HTT: variants seen among roughly 807,000 people sequenced by gnomAD.
HTT encodes the protein huntingtin, also known as huntington disease protein.
A neutral mutation model predicts 362.3 loss-of-function variants in HTT; 104 were observed. The observed-to-expected ratio is 0.29, with a 90% CI of 0.24 to 0.34. The LOEUF is 0.34. Ranked by LOEUF, HTT falls within the 10% of genes least tolerant of loss-of-function variation. The pLI, the probability that HTT is intolerant of heterozygous loss-of-function variation, is 1.00. For missense variants in HTT, 3,301 were observed against 3,928.6 expected, an observed-to-expected ratio of 0.84 and a Z score of 4.27; for synonymous variants, 1,577 against 1,548.7, an observed-to-expected ratio of 1.02 and a Z score of -0.43.
intron 47 of HTT, among the ~76,000 whole-genome samples, chr4:3,211,316 C>G (rs1228397615): frequency 6.6e-6 from 1 of 152,222 alleles, no homozygotes; most frequent in East Asian, 1.9e-4. Context: ...CTTTGAACAG[C>G]TGTAAAAGTT....
In HTT at chr4:3,239,946, G is replaced by A; in HGVS notation, c.9316G>A (p.Glu3106Lys). 6.3e-7 allele frequency: 1 copy of A among 1,587,244 alleles called. No homozygotes were observed. Among genetic ancestry groups the A allele is most frequent in the East Asian group, 2.3e-5 (1 of 44,126 alleles). ...TDFYRHQIEE[E>K]LDRRAFQSVL... ...CTTCTACAGACACCAGATAGAGGAGGAGCTCGACCGCAGGGCCTTCCAGTC... is the reference window on the plus strand; with the variant it reads ...CTTCTACAGACACCAGATAGAGGAGAAGCTCGACCGCAGGGCCTTCCAGTC... The change falls in exon 67 of 67, where the codon GAG becomes AAG. Residue 3106 changes from glutamate (E) to lysine (K), a missense_variant. Around this residue, in one of 4 missense-constraint regions of HTT, gnomAD observed 753 missense variants for 1,021.3 expected, o/e 0.74. Coordinates refer to ENST00000355072, the MANE Select transcript of HTT (RefSeq NM_001388492.1).
chr4:3,098,321 A>G (rs140217907), intron 2 of HTT, among the ~76,000 whole-genome samples: 2 of 152,314 alleles, frequency 1.3e-5, no homozygotes, highest in East Asian at 1.9e-4. Context: ...GCTCATTGCT[A>G]TCTTCCAACC....
At chr4:3,147,923 C>T in intron 25 of HTT, 82 bp from the exon 26 acceptor site, 1 of 1,128,218 alleles carries the variant, frequency 8.9e-7, no homozygotes, top group South Asian at 1.5e-5. Context: ...AACATAGGGT[C>T]TTAAATGACT....
At chr4:3,168,310 C>T (rs538002870) in intron 29 of HTT, among the ~76,000 whole-genome samples, 2 of 152,278 alleles carry the variant, frequency 1.3e-5, no homozygotes, top group East Asian at 3.9e-4. Flanking sequence ...TGCATGTGTG[C>T]GGGGCTGGGT....
At chr4:3,120,897 C>G (rs1715267810) in intron 8 of HTT, among the ~76,000 whole-genome samples, 2 of 152,196 alleles carry the variant, frequency 1.3e-5, no homozygotes, top group Non-Finnish European at 2.9e-5. Context: ...AAATGTGTGT[C>G]AAGCTGACTC....
At chr4:3,208,744 C>T (rs751342477) in intron 45 of HTT, 29 bp from the exon 46 acceptor site, 2 of 1,503,210 alleles carry the variant, frequency 1.3e-6, no homozygotes, top group Admixed American at 2.1e-5. Context: ...ACAAATTATA[C>T]TGTAATTTCA....
intron 33 of HTT, 30 bp downstream of exon 33, chr4:3,175,137 A>G: frequency 6.3e-7 from 1 of 1,584,514 alleles, no homozygotes; most frequent in South Asian, 1.1e-5. Context: ...CATCCATCAT[A>G]CCTGTTCCTA....
intron 26 of HTT, among the ~76,000 whole-genome samples, chr4:3,150,760 T>G (rs1278055432): frequency 6.6e-6 from 1 of 152,152 alleles, no homozygotes; most frequent in African/African-American, 2.4e-5. Flanking sequence ...CTGCAGGCCG[T>G]GCGTGGTGGC....
chr4:3,199,140 T>G (rs1719406862), intron 40 of HTT, among the ~76,000 whole-genome samples: 2 of 152,260 alleles, frequency 1.3e-5, no homozygotes, highest in South Asian at 4.1e-4. Flanking sequence ...GTGTTCAGAC[T>G]TTCGCAGCTC....
At chr4:3,201,723 A>G (rs532809879) in intron 41 of HTT, among the ~76,000 whole-genome samples, 36 of 152,296 alleles carry the variant, frequency 2.4e-4, no homozygotes, top group Non-Finnish European at 4.6e-4. Flanking sequence ...AGATGCCCAT[A>G]GAGAGCAGAG....
chr4:3,232,129 G>A (rs188799847), intron 60 of HTT, among the ~76,000 whole-genome samples: 23 of 152,286 alleles, frequency 1.5e-4, no homozygotes, highest in African/African-American at 3.4e-4. Context: ...GCAGTCCTTA[G>A]GGAGGGGCCG....
intron 29 of HTT, among the ~76,000 whole-genome samples, chr4:3,160,987 A>G (rs191665844): frequency 3.7e-4 from 57 of 152,268 alleles, no homozygotes; most frequent in Non-Finnish European, 7.3e-4. Flanking sequence ...TTTGTTACAT[A>G]GGTATACACG....
intron 7 of HTT, among the ~76,000 whole-genome samples, chr4:3,115,707 C>T (rs898531172): frequency 6.6e-6 from 1 of 152,184 alleles, no homozygotes; most frequent in Non-Finnish European, 1.5e-5. Context: ...CTGTCTGTGT[C>T]GGCCATGACT....
intron 37 of HTT, among the ~76,000 whole-genome samples, chr4:3,183,439 G>T (rs2110243626): frequency 6.6e-6 from 1 of 152,356 alleles, no homozygotes; most frequent in South Asian, 2.1e-4. Flanking sequence ...AGTGGACTCA[G>T]CAAATACATG....
intron 5 of HTT, among the ~76,000 whole-genome samples, chr4:3,105,811 A>T (rs577286147): frequency 6.6e-6 from 1 of 152,244 alleles, no homozygotes; most frequent in Non-Finnish European, 1.5e-5. Context: ...ATTATTGCTG[A>T]CTATAGGAGT....
At chr4:3,216,874 A>C (rs1720425941) in intron 51 of HTT, among the ~76,000 whole-genome samples, 2 of 151,780 alleles carry the variant, frequency 1.3e-5, no homozygotes, top group South Asian at 4.2e-4. Flanking sequence ...AAATACAAAA[A>C]ATTAGCCGGG....
intron 59 of HTT, 65 bp downstream of exon 59, chr4:3,229,074 C>A (rs1182164563): frequency 1.6e-5 from 24 of 1,484,038 alleles, no homozygotes; most frequent in South Asian, 2.4e-5. Flanking sequence ...CGCCACACAC[C>A]CCACACACAC....
chr4:3,088,606 C>T (rs772649356), intron 2 of HTT, among the ~76,000 whole-genome samples: 3 of 152,156 alleles, frequency 2.0e-5, no homozygotes, highest in Non-Finnish European at 2.9e-5. Context: ...AGTTTTTCTT[C>T]TGTCAAAACT....
intron 1 of HTT, among the ~76,000 whole-genome samples, 156 bp from the exon 2 acceptor site, chr4:3,086,783 C>T (rs1361585544): frequency 6.6e-6 from 1 of 152,228 alleles, no homozygotes; most frequent in Non-Finnish European, 1.5e-5. Flanking sequence ...GTGCCCTGTG[C>T]TTCCCTGTCC....
Sources: allele counts gnomAD v4.1 joint callset (sites outside exome capture counted in the v4.1 genomes callset), GRCh38; gene constraint gnomAD v4.1.1; regional missense constraint gnomAD v4.1.1; transcripts MANE v1.5; gene names NCBI Gene and HGNC (gene_info 2026-07-23, HGNC 2026-07-21).